Variants in VGLL4 observed in about 807,000 individuals in gnomAD.
The protein encoded by VGLL4 is vestigial like family member 4.
VGLL4 carries 7 observed loss-of-function variants against 21.0 expected under a neutral mutation model. That is an observed-to-expected ratio of 0.33 (90% CI 0.19 to 0.63). VGLL4 has a LOEUF of 0.63. Among genes scored for constraint, VGLL4 ranks in the 20% least tolerant of loss-of-function variants. VGLL4 has a pLI of 0.78. For missense variants in VGLL4, 394 were observed against 425.7 expected, an observed-to-expected ratio of 0.93 and a Z score of 0.66; for synonymous variants, 222 against 173.2, an observed-to-expected ratio of 1.28 and a Z score of -2.21.
chr3:11,653,862 A>C lies in VGLL4; in HGVS notation c.64+49109T>G, dbSNP rs114010817. ...ACTTTACTTCGCACTTCTCTGATGG[A>C]CAGTAAGAACTCTGTGACACTTGTA... is the stretch of plus-strand genomic sequence containing the variant. On this transcript the variant is annotated intron_variant, in intron 2 of 5. Transcript: ENST00000273038. The surrounding 1 kb of genome is among the most constrained non-coding windows in gnomAD (Gnocchi z 4.2). Among the ~76,000 whole-genome samples the C allele has an allele frequency of 2.6e-3, 400 of 152,314 alleles. No homozygotes were observed. The highest frequency in any genetic ancestry group is 9.2e-3 in the African/African-American group (381 of 41,576).
At chr3:11,675,360 A>G (rs113975349) in intron 2 of VGLL4, among the ~76,000 whole-genome samples, 5 of 95,344 alleles carry the variant, frequency 5.2e-5, no homozygotes, top group Non-Finnish European at 1.4e-4. Flanking sequence ...AATAAAAAAT[A>G]AAAAAATAAA....
Position 11,626,506 on chromosome 3 carries a change from T to G in VGLL4, c.82+16931A>C, listed in dbSNP as rs1041048632. 1.1e-5 allele frequency: 5 copies of G among 444,370 alleles called. No homozygotes were observed. In the East Asian group the frequency reaches 3.5e-4, roughly 31 times the overall value. 27.5% of individuals were successfully genotyped at this position (444,370 alleles called of 1,614,324 possible). On this transcript the variant is annotated intron_variant, in intron 1 of 4. Coordinates refer to ENST00000430365, the MANE Select transcript of VGLL4 (RefSeq NM_001128219.3). Reference sequence around the variant, plus strand: ...CAAAAGATCTGGCAGAGCTGGAGATTTCATTACCTTGAAAGGCAGTAATAT... The same window carrying G: ...CAAAAGATCTGGCAGAGCTGGAGATGTCATTACCTTGAAAGGCAGTAATAT...
At chr3:11,657,324 C>T (rs769940573) in intron 2 of VGLL4, among the ~76,000 whole-genome samples, 13 of 152,262 alleles carry the variant, frequency 8.5e-5, no homozygotes, top group South Asian at 8.3e-4. Context: ...GAATACACGA[C>T]GGTAACTGGT....
intron 2 of VGLL4, among the ~76,000 whole-genome samples, chr3:11,587,931 G>A (rs895142666): frequency 1.1e-4 from 16 of 152,232 alleles, no homozygotes; most frequent in African/African-American, 3.9e-4. Flanking sequence ...TGGTGCTACC[G>A]ACTGAACCTC....
intron 2 of VGLL4, among the ~76,000 whole-genome samples, chr3:11,583,003 T>G (rs2074273091): frequency 6.6e-6 from 1 of 152,192 alleles, no homozygotes; most frequent in East Asian, 1.9e-4. Flanking sequence ...TACAGGTGGG[T>G]GCAAGAAGTT....
Position 11,557,625 on chromosome 3 carries a change from T to C in VGLL4, c.*931A>G, listed in dbSNP as rs537715092. 1.3e-5 allele frequency: 2 copies of C among 152,878 alleles called. No individual in the cohort carries two copies. The highest frequency in any genetic ancestry group is 4.1e-4 in the South Asian group (2 of 4,828). The allele number at this position is 152,878 out of a possible 1,614,324, so 9.5% of individuals were successfully genotyped here. On this transcript the variant is annotated 3_prime_UTR_variant, in exon 5 of 5. Transcript: ENST00000430365. ...CAACTGTACCAGCAGTAAGTATATC[T>C]AGGACTGTAACTGACAAAAATAAAC...
At chr3:11,590,554 C>G (rs1288169572) in intron 2 of VGLL4, among the ~76,000 whole-genome samples, 2 of 152,186 alleles carry the variant, frequency 1.3e-5, no homozygotes, top group African/African-American at 4.8e-5. Context: ...GAACTCAGAT[C>G]CCTTGTCTGG....
chr3:11,705,938 G>C (rs2076755481), intron 1 of VGLL4, among the ~76,000 whole-genome samples: 1 of 143,090 alleles, frequency 7.0e-6, no homozygotes, highest in South Asian at 2.2e-4. Context: ...AAAAAAAAAA[G>C]ATCTTGTGAT....
chr3:11,655,509 C>T (rs2125347290), intron 2 of VGLL4, among the ~76,000 whole-genome samples: 1 of 152,294 alleles, frequency 6.6e-6, no homozygotes, highest in Admixed American at 6.5e-5. Flanking sequence ...CAAACCAAAC[C>T]CACCACCCCC....
chr3:11,655,607 G>C (rs1003423594), intron 2 of VGLL4, among the ~76,000 whole-genome samples: 4 of 152,224 alleles, frequency 2.6e-5, no homozygotes, highest in African/African-American at 9.6e-5. Flanking sequence ...TGACTGCAGT[G>C]AGCCCAGAAA....
In VGLL4 at chr3:11,621,454, T is replaced by C. The variant is rs571067030; in HGVS notation, c.83-19432A>G. Among the ~76,000 whole-genome samples, 10 of 149,298 alleles carry C rather than the reference T, an allele frequency of 6.7e-5. No individual in the cohort carries two copies. The South Asian group carries it at 2.1e-3, about 31-fold the overall frequency. On this transcript the variant is annotated intron_variant, in intron 1 of 4. Transcript: ENST00000430365. ...TTGGTGTCTTTTGTGTCTGGTTCTT[T>C]CACTCATAATGTTTTAAAAGTTCAT... is the stretch of plus-strand genomic sequence containing the variant.
chr3:11,559,188 A>G, intron 4 of VGLL4, 144 bp downstream of exon 4: 1 of 1,362,430 alleles, frequency 7.3e-7, no homozygotes, highest in Non-Finnish European at 9.7e-7. Flanking sequence ...CGCTAGGCGC[A>G]CACTGGACGT....
intron 1 of VGLL4, among the ~76,000 whole-genome samples, chr3:11,621,543 G>C (rs1047037946): frequency 6.6e-6 from 1 of 152,148 alleles, no homozygotes; most frequent in Non-Finnish European, 1.5e-5. Context: ...TCATCGTATG[G>C]AGAAACCGCA....
rs1415516297 is a variant in VGLL4 at position 11,714,853 on chromosome 3, G to C, written c.-14+5541C>G. ...ACTCCCAAGAATAAAAGATGAATTT[G>C]GGCTGGGCGCAGTGGCTCACGCCTG... On this transcript the variant is annotated intron_variant, in intron 1 of 5. Coordinates refer to the VGLL4 transcript ENST00000273038. Among the ~76,000 whole-genome samples, 43 of 152,130 alleles carry C rather than the reference G, an allele frequency of 2.8e-4. 1 individual carries two copies. The highest frequency in any genetic ancestry group is 2.8e-3 in the Admixed American group (43 of 15,268).
chr3:11,683,201 T>C (rs1283625783), intron 2 of VGLL4, among the ~76,000 whole-genome samples: 1 of 112,618 alleles, frequency 8.9e-6, no homozygotes, highest in African/African-American at 2.8e-5. Flanking sequence ...CGAGACTCTG[T>C]CTCAAAAAAA....
chr3:11,644,071 T>A, upstream of VGLL4: 1 of 874,624 alleles, frequency 1.1e-6, no homozygotes, highest in Non-Finnish European at 1.4e-6. Context: ...GGGGAGAGAC[T>A]CTAGAGACGG....
intron 2 of VGLL4, among the ~76,000 whole-genome samples, chr3:11,587,621 C>T (rs1180686558): frequency 3.3e-5 from 5 of 152,146 alleles, no homozygotes; most frequent in Non-Finnish European, 7.3e-5. Flanking sequence ...ATACTTGGGC[C>T]GAGATGTGTT....
chr3:11,668,512 G>A (rs534406577), intron 2 of VGLL4, among the ~76,000 whole-genome samples: 2 of 152,234 alleles, frequency 1.3e-5, no homozygotes, highest in African/African-American at 4.8e-5. Context: ...TGGGGCCCAG[G>A]AATCTTAATT....
chr3:11,637,090 T>G (rs1290210669), intron 1 of VGLL4, among the ~76,000 whole-genome samples: 1 of 150,728 alleles, frequency 6.6e-6, no homozygotes, highest in Non-Finnish European at 1.5e-5. Context: ...TTGTTTAGAA[T>G]TAGACACATG....
Sources: allele counts gnomAD v4.1 joint callset (sites outside exome capture counted in the v4.1 genomes callset), GRCh38; gene constraint gnomAD v4.1.1; non-coding constraint Gnocchi (gnomAD v3.1); transcripts MANE v1.5; gene names NCBI Gene and HGNC (gene_info 2026-07-23, HGNC 2026-07-21).